Variants in PDE4B observed in about 807,000 individuals in gnomAD.
The protein encoded by PDE4B is 3',5'-cyclic-AMP phosphodiesterase 4B.
A neutral mutation model predicts 82.2 loss-of-function variants in PDE4B; 20 were observed. The observed-to-expected ratio is 0.24, with a 90% CI of 0.17 to 0.35. The LOEUF is 0.35. Ranked by LOEUF, PDE4B falls within the 10% of genes least tolerant of loss-of-function variation. The pLI, the probability that PDE4B is intolerant of heterozygous loss-of-function variation, is 1.00. For missense variants in PDE4B, 655 were observed against 907.2 expected (o/e 0.72, Z 3.57); for synonymous variants, 320 against 318.9 (o/e 1.00, Z -0.04).
At chr1:65,793,973 A>G (rs1645603533) in intron 1 of PDE4B, among the ~76,000 whole-genome samples, 2 of 152,024 alleles carry the variant, frequency 1.3e-5, no homozygotes, top group African/African-American at 4.8e-5. Flanking sequence ...GGAACCCACT[A>G]TGGCCAACAG....
chr1:65,818,704 A>AT (rs1553187330), intron 1 of PDE4B, among the ~76,000 whole-genome samples: 79 of 148,920 alleles, frequency 5.3e-4, no homozygotes, highest in African/African-American at 1.7e-3. Context: ...ATATATATAT[A>AT]AAATAACAAA....
intron 3 of PDE4B, among the ~76,000 whole-genome samples, chr1:66,146,338 C>G (rs1022650088): frequency 1.3e-5 from 2 of 152,026 alleles, no homozygotes; most frequent in Non-Finnish European, 1.5e-5. Flanking sequence ...CGCCGGCCAC[C>G]ATGCCTGGCT....
At chr1:66,064,372 C>A (rs1500962) in intron 3 of PDE4B, among the ~76,000 whole-genome samples, 15,107 of 151,682 alleles carry the variant, frequency 0.1, 885 homozygotes, top group South Asian at 0.22. Flanking sequence ...AAGAGAAGGG[C>A]CACTCAATGG....
intron 1 of PDE4B, among the ~76,000 whole-genome samples, chr1:65,832,404 G>A (rs913466009): frequency 6.6e-6 from 1 of 152,232 alleles, no homozygotes; most frequent in African/African-American, 2.4e-5. Flanking sequence ...TTGGTCGAGA[G>A]TGATTTAAAT....
chr1:66,150,293 A>G (rs1194766920), intron 3 of PDE4B, among the ~76,000 whole-genome samples: 1 of 152,164 alleles, frequency 6.6e-6, no homozygotes, highest in African/African-American at 2.4e-5. Flanking sequence ...GGCCAATGGA[A>G]TTGTGTCAGG....
At chr1:65,869,845 T>C (rs1646553877) in intron 1 of PDE4B, among the ~76,000 whole-genome samples, 1 of 151,858 alleles carries the variant, frequency 6.6e-6, no homozygotes, top group Non-Finnish European at 1.5e-5. Context: ...GTAGGAAAGA[T>C]GAAATTTCAG....
In PDE4B at chr1:66,225,259, G is replaced by A. The variant is rs1006512643; in HGVS notation, c.282-22201G>A. On this transcript the variant is annotated intron_variant, in intron 3 of 16. Coordinates refer to ENST00000341517, the MANE Select transcript of PDE4B (RefSeq NM_002600.4). Reference sequence around the variant, plus strand: ...AGTTGTTTTTATTTTCTCACCCCCCGTTCTCACCTCAACTCACTTCAGCCA... The same window carrying A: ...AGTTGTTTTTATTTTCTCACCCCCCATTCTCACCTCAACTCACTTCAGCCA... Among the ~76,000 whole-genome samples the A allele has an allele frequency of 5.3e-5, 8 of 152,028 alleles. No individual in the cohort carries two copies. In the East Asian group the frequency reaches 7.7e-4, roughly 15 times the overall value.
intron 7 of PDE4B, among the ~76,000 whole-genome samples, chr1:66,287,661 C>T (rs1393321658): frequency 6.6e-6 from 1 of 152,140 alleles, no homozygotes; most frequent in Non-Finnish European, 1.5e-5. Context: ...CTGTTTCCCA[C>T]ACCAGCAAAT....
At chr1:65,968,362 A>G (rs575340122) in intron 3 of PDE4B, among the ~76,000 whole-genome samples, 1 of 152,146 alleles carries the variant, frequency 6.6e-6, no homozygotes, top group Non-Finnish European at 1.5e-5. Flanking sequence ...TGCTTATTGA[A>G]TGTCTTCTCT....
chr1:66,310,363 C>T (rs552353816), intron 7 of PDE4B, among the ~76,000 whole-genome samples: 74 of 152,220 alleles, frequency 4.9e-4, no homozygotes, highest in African/African-American at 1.7e-3. Context: ...TTCTCTTCCC[C>T]GCTGCCCTCA....
At chr1:66,208,989 A>G (rs187315214) in intron 3 of PDE4B, among the ~76,000 whole-genome samples, 54 of 152,308 alleles carry the variant, frequency 3.5e-4, no homozygotes, top group African/African-American at 1.2e-3. Flanking sequence ...TACAAAGAAC[A>G]TGTTCTAATA....
At chr1:66,076,950 C>T (rs1292839006) in intron 3 of PDE4B, among the ~76,000 whole-genome samples, 2 of 151,242 alleles carry the variant, frequency 1.3e-5, no homozygotes, top group African/African-American at 4.9e-5. Flanking sequence ...GATACTTTCC[C>T]TTATTCTGTA....
At chr1:66,163,951 A>T (rs1250996532) in intron 3 of PDE4B, among the ~76,000 whole-genome samples, 1 of 152,226 alleles carries the variant, frequency 6.6e-6, no homozygotes, top group Admixed American at 6.5e-5. Context: ...GTACTCTCAG[A>T]TAACATTTAT....
chr1:65,961,358 T>C (rs1649533430), intron 3 of PDE4B, among the ~76,000 whole-genome samples: 1 of 152,118 alleles, frequency 6.6e-6, no homozygotes, highest in African/African-American at 2.4e-5. Flanking sequence ...CCTGGTATGT[T>C]TGCAAAATGG....
intron 3 of PDE4B, among the ~76,000 whole-genome samples, chr1:66,005,743 A>G (rs1652113437): frequency 6.6e-6 from 1 of 152,194 alleles, no homozygotes; most frequent in Non-Finnish European, 1.5e-5. Flanking sequence ...AGATTAAATT[A>G]AGCAACTGCT....
chr1:66,118,535 C>A (rs1464008717), intron 3 of PDE4B, among the ~76,000 whole-genome samples: 1 of 149,660 alleles, frequency 6.7e-6, no homozygotes, highest in Non-Finnish European at 1.5e-5. Context: ...AACACTTGGA[C>A]ACAGGAAGGG....
At chr1:65,810,862 T>C (rs112529139) in intron 1 of PDE4B, among the ~76,000 whole-genome samples, 1 of 152,204 alleles carries the variant, frequency 6.6e-6, no homozygotes, top group Non-Finnish European at 1.5e-5. Flanking sequence ...TGAGTTAATG[T>C]GGAGGATCTA....
intron 1 of PDE4B, among the ~76,000 whole-genome samples, chr1:65,906,136 T>C (rs920588260): frequency 2.6e-5 from 4 of 152,192 alleles, no homozygotes; most frequent in Non-Finnish European, 4.4e-5. Flanking sequence ...ATAAATACCT[T>C]TGAGGGTAGC....
At chr1:65,977,656 T>C (rs1335478966) in intron 3 of PDE4B, among the ~76,000 whole-genome samples, 1 of 152,250 alleles carries the variant, frequency 6.6e-6, no homozygotes, top group African/African-American at 2.4e-5. Flanking sequence ...TGTATAGTTC[T>C]TGTTCTTTCT....
Sources: gnomAD v4.1 joint callset for allele counts (sites outside exome capture counted in the v4.1 genomes callset) on GRCh38, gnomAD v4.1.1 for gene constraint, MANE v1.5 for transcripts, NCBI Gene and HGNC (gene_info 2026-07-23, HGNC 2026-07-21) for gene names.